The following KCNK2 variants were observed in gnomAD, a reference collection of about 807,000 sequenced individuals.
The protein encoded by KCNK2 is potassium channel subfamily K member 2.
In KCNK2, 21 loss-of-function variants were observed where a neutral mutation model predicts 40.5. The observed-to-expected ratio is 0.52, with a 90% CI of 0.37 to 0.75. The LOEUF is 0.75. Among genes scored for constraint, KCNK2 ranks in the 30% least tolerant of loss-of-function variants. The probability of loss-of-function intolerance (pLI) is 0.00; values close to 1 mark genes in which losing one functional copy is unlikely to be tolerated. For missense variants in KCNK2, 399 were observed against 531.6 expected (o/e 0.75, Z 2.45); for synonymous variants, 191 against 202.2 (o/e 0.94, Z 0.47).
At chr1:215,029,953 T>C (rs1450593896) in intron 1 of KCNK2, among the ~76,000 whole-genome samples, 3 of 152,146 alleles carry the variant, frequency 2.0e-5, no homozygotes. Flanking sequence ...CTGGATCATA[T>C]GGTGGGAGTA....
chr1:215,049,639 G>A (rs1657912752), intron 1 of KCNK2, among the ~76,000 whole-genome samples: 1 of 152,068 alleles, frequency 6.6e-6, no homozygotes, highest in Non-Finnish European at 1.5e-5. Flanking sequence ...TTACAGTGAG[G>A]CACATAATTC....
At chr1:215,230,129 ACG>A (rs1333586778) in intron 6 of KCNK2, among the ~76,000 whole-genome samples, 1 of 137,660 alleles carries the variant, frequency 7.3e-6, no homozygotes, top group Non-Finnish European at 1.5e-5. Context: ...ACACACACAC[ACG>A]GTCATGCATT....
intron 2 of KCNK2, among the ~76,000 whole-genome samples, chr1:215,104,561 T>G (rs773359232): frequency 6.6e-6 from 1 of 152,048 alleles, no homozygotes; most frequent in Non-Finnish European, 1.5e-5. Flanking sequence ...GTGAAACGTC[T>G]CAGAATTTTA....
At chr1:215,214,826 CA>C (rs983528948) in intron 6 of KCNK2, among the ~76,000 whole-genome samples, 21 of 150,616 alleles carry the variant, frequency 1.4e-4, no homozygotes, top group African/African-American at 5.1e-4. Flanking sequence ...GACCTTGTCT[CA>C]AAAAAATAAA....
intron 3 of KCNK2, among the ~76,000 whole-genome samples, chr1:215,167,545 C>T (rs898115409): frequency 6.6e-6 from 1 of 152,016 alleles, no homozygotes; most frequent in Non-Finnish European, 1.5e-5. Flanking sequence ...AGTTGAGCTA[C>T]TTGAATAGTA....
chr1:215,083,198 C>G lies in KCNK2; in HGVS notation c.-188C>G. 2 of 603,080 alleles carry G rather than the reference C, an allele frequency of 3.3e-6. 1 individual carries two copies. Among genetic ancestry groups the G allele is most frequent in the Non-Finnish European group, 5.6e-6 (2 of 358,988 alleles). 37.4% of individuals were successfully genotyped at this position (603,080 alleles called of 1,614,324 possible). A position where few individuals can be genotyped will look rare whatever the true frequency, so the allele number is the denominator to read the frequency against. ...CGATTTCGTTTCTTCTCACGCTCCC[C>G]CCCCCGCCCCCTCCCGCGTCCAGCC... is the stretch of plus-strand genomic sequence containing the variant. On this transcript the variant is annotated 5_prime_UTR_variant, in exon 1 of 7. Transcript: ENST00000444842.
intron 1 of KCNK2, among the ~76,000 whole-genome samples, chr1:215,018,294 A>G (rs1417024967): frequency 1.3e-5 from 2 of 152,216 alleles, no homozygotes; most frequent in Non-Finnish European, 2.9e-5. Context: ...TCTTTGAGAA[A>G]TGCATGGGTC....
intron 6 of KCNK2, among the ~76,000 whole-genome samples, chr1:215,224,185 G>GTA: frequency 6.6e-6 from 1 of 152,140 alleles, no homozygotes; most frequent in Non-Finnish European, 1.5e-5. Flanking sequence ...AACCTCCTGG[G>GTA]TATTAGCTAC....
intron 6 of KCNK2, among the ~76,000 whole-genome samples, chr1:215,197,217 C>T (rs1192259694): frequency 2.0e-5 from 3 of 152,146 alleles, no homozygotes; most frequent in Non-Finnish European, 2.9e-5. Flanking sequence ...ATAGGACTAG[C>T]TGGGTCAAAG....
At chr1:215,188,980 T>C (rs769008120) in intron 5 of KCNK2, among the ~76,000 whole-genome samples, 2 of 152,216 alleles carry the variant, frequency 1.3e-5, no homozygotes, top group African/African-American at 2.4e-5. Flanking sequence ...TTCCTGTTCC[T>C]GTAAGACAGA....
chr1:215,222,877 C>T (rs184348073), intron 6 of KCNK2, among the ~76,000 whole-genome samples: 45 of 151,844 alleles, frequency 3.0e-4, no homozygotes, highest in East Asian at 1.4e-3. Context: ...TCTAGGCAAC[C>T]GCTGAAATTG....
chr1:215,224,648 G>C (rs1666311869), intron 6 of KCNK2, among the ~76,000 whole-genome samples: 1 of 152,086 alleles, frequency 6.6e-6, no homozygotes, highest in African/African-American at 2.4e-5. Context: ...ACCTGGAGTA[G>C]AGCTAGAGGG....
At chr1:215,141,152 C>T (rs1368216070) in intron 3 of KCNK2, among the ~76,000 whole-genome samples, 1 of 152,064 alleles carries the variant, frequency 6.6e-6, no homozygotes, top group Non-Finnish European at 1.5e-5. Context: ...CTGTCATCTC[C>T]TATGATAACA....
intron 2 of KCNK2, among the ~76,000 whole-genome samples, chr1:215,100,187 GT>G (rs1256793937): frequency 6.6e-6 from 1 of 151,890 alleles, no homozygotes. Context: ...GTTTTGTCCT[GT>G]TAACCCAGGA....
intron 5 of KCNK2, among the ~76,000 whole-genome samples, chr1:215,178,836 G>T (rs964369469): frequency 6.6e-6 from 1 of 151,996 alleles, no homozygotes; most frequent in African/African-American, 2.4e-5. Flanking sequence ...GCCATATTTT[G>T]TTATCAAAGT....
chr1:215,164,505 G>A (rs201052507), intron 3 of KCNK2, among the ~76,000 whole-genome samples: 1 of 151,760 alleles, frequency 6.6e-6, no homozygotes. Context: ...TAATTGTGAT[G>A]TTAGGGTGTT....
intron 5 of KCNK2, among the ~76,000 whole-genome samples, chr1:215,175,571 T>A (rs1663929758): frequency 6.6e-6 from 1 of 152,038 alleles, no homozygotes; most frequent in Non-Finnish European, 1.5e-5. Flanking sequence ...GATGTTGAGG[T>A]TTGGGGTAAG....
At chr1:215,015,580 C>G (rs1656557945) in intron 1 of KCNK2, among the ~76,000 whole-genome samples, 1 of 152,016 alleles carries the variant, frequency 6.6e-6, no homozygotes, top group South Asian at 2.1e-4. Flanking sequence ...ATTTTTTCTT[C>G]TCTGTTAAAA....
chr1:215,199,850 C>T (rs770448287), intron 6 of KCNK2, among the ~76,000 whole-genome samples: 7 of 152,140 alleles, frequency 4.6e-5, no homozygotes, highest in African/African-American at 1.4e-4. Context: ...AGTAGAGCAT[C>T]GTTACTACAC....
Sources: allele counts gnomAD v4.1 joint callset (sites outside exome capture counted in the v4.1 genomes callset), GRCh38; gene constraint gnomAD v4.1.1; transcripts MANE v1.5; gene names NCBI Gene and HGNC (gene_info 2026-07-23, HGNC 2026-07-21).